The following GLIPR2 variants were observed in gnomAD, a reference collection of about 807,000 sequenced individuals.
GLIPR2 encodes Golgi-associated plant pathogenesis-related protein 1.
Under a neutral mutation model 20.4 loss-of-function variants are expected in GLIPR2, and 21 were observed. The ratio of observed to expected loss-of-function variants is 1.03; its 90% CI spans 0.73 to 1.48. The LOEUF is 1.48. Ranked by LOEUF, GLIPR2 falls within the 40% of genes most tolerant of loss-of-function variation. The pLI is 0.00. For synonymous variants in GLIPR2, 91 were observed against 80.5 expected (o/e 1.13, Z -0.70); for missense variants, 205 against 200.1 (o/e 1.02, Z -0.15).
At chr9:36,139,735 T>C (rs1042433431) in intron 1 of GLIPR2, among the ~76,000 whole-genome samples, 2 of 152,214 alleles carry the variant, frequency 1.3e-5, no homozygotes, top group African/African-American at 4.8e-5. Context: ...ACAGGCGTTA[T>C]TGTAAAATCA....
rs150517321 is a variant in GLIPR2, at chr9:36,163,026, C to T, written c.*504C>T. On this transcript the variant is annotated 3_prime_UTR_variant, in exon 5 of 5. Transcript: ENST00000377960. ...AATACAAAGCAGCTTCCATCAGGAA[C>T]ATGGAGCAGGCAGGGACTCCATTTT... is the stretch of plus-strand genomic sequence containing the variant. 4.0e-4 allele frequency: 162 copies of T among 401,284 alleles called. 1 individual carries two copies. In the East Asian group the frequency reaches 0.012, roughly 28 times the overall value. The allele number at this position is 401,284 out of a possible 1,614,324, so 24.9% of individuals were successfully genotyped here. A position where few individuals can be genotyped will look rare whatever the true frequency, so the allele number is the denominator to read the frequency against.
intron 4 of GLIPR2, among the ~76,000 whole-genome samples, chr9:36,161,549 C>T (rs1826053053): frequency 6.7e-6 from 1 of 150,012 alleles, no homozygotes; most frequent in African/African-American, 2.4e-5. Context: ...AGTGTGGGTC[C>T]TTCAATATCT....
intron 1 of GLIPR2, chr9:36,141,752 C>T (rs1825094590): frequency 4.5e-6 from 2 of 445,836 alleles, no homozygotes; most frequent in South Asian, 3.2e-5. Context: ...CTCCTGGGCT[C>T]AAGCGATCCT....
intron 4 of GLIPR2, among the ~76,000 whole-genome samples, chr9:36,153,953 C>T (rs1825711239): frequency 6.6e-6 from 1 of 151,414 alleles, no homozygotes; most frequent in Non-Finnish European, 1.5e-5. Flanking sequence ...TGTAATCCAT[C>T]CCCACCCCCA....
chr9:36,136,620 C>A (rs1011165012), upstream of GLIPR2: 4 of 447,376 alleles, frequency 8.9e-6, no homozygotes, highest in Non-Finnish European at 1.4e-5. The surrounding 1 kb of genome is among the most constrained non-coding windows in gnomAD (Gnocchi z 4.3). Flanking sequence ...TGGCCCCGGG[C>A]GCCTCCGCCC....
In GLIPR2 at chr9:36,156,640, G is replaced by A. The variant is rs139148505; in HGVS notation, c.304+5691G>A. On this transcript the variant is annotated intron_variant, in intron 4 of 4. Coordinates refer to ENST00000377960, the MANE Select transcript of GLIPR2 (RefSeq NM_022343.4). ...CCCATGGCCTGTTAAGAACTGGGCCGCACAGCAGGAGGTGAGCCTGGGTGA... is the reference window on the plus strand; with the variant it reads ...CCCATGGCCTGTTAAGAACTGGGCCACACAGCAGGAGGTGAGCCTGGGTGA... Among the ~76,000 whole-genome samples, 61 of 152,276 alleles carry A rather than the reference G, an allele frequency of 4.0e-4. No homozygotes were observed. The East Asian group carries it at 0.011, about 27-fold the overall frequency.
chr9:36,162,608 C>T lies in GLIPR2; in HGVS notation c.*86C>T. 1.5e-6 allele frequency: 2 copies of T among 1,339,780 alleles called. No homozygotes were observed. Among genetic ancestry groups the T allele is most frequent in the Non-Finnish European group, 2.1e-6 (2 of 957,854 alleles). 83.0% of individuals were successfully genotyped at this position (1,339,780 alleles called of 1,614,324 possible). ...CACCACAACCTGGCTGTGCGTCTGT[C>T]CCTGTGGGTGTATGTGCTTGTGTGT... is the stretch of plus-strand genomic sequence containing the variant. On this transcript the variant is annotated 3_prime_UTR_variant, in exon 5 of 5. Transcript: ENST00000377960.
At chr9:36,161,658 A>C (rs1826057903) in intron 4 of GLIPR2, among the ~76,000 whole-genome samples, 1 of 152,088 alleles carries the variant, frequency 6.6e-6, no homozygotes, top group Admixed American at 6.6e-5. Flanking sequence ...GGGTGCCTTG[A>C]AAAGGAGAAG....
chr9:36,157,683 A>AACACACAC (rs567476723), intron 4 of GLIPR2, among the ~76,000 whole-genome samples: 54 of 146,338 alleles, frequency 3.7e-4, no homozygotes, highest in African/African-American at 1.2e-3. Flanking sequence ...ATATCTGTTA[A>AACACACAC]ACACACACAC....
intron 1 of GLIPR2, among the ~76,000 whole-genome samples, chr9:36,140,643 C>T (rs186931752): frequency 9.9e-5 from 15 of 152,166 alleles, no homozygotes; most frequent in African/African-American, 2.9e-4. Context: ...GCCTTGTTCC[C>T]GTAAGCAATT....
chr9:36,136,613 C>G (rs1824825158), upstream of GLIPR2: 2 of 422,096 alleles, frequency 4.7e-6, no homozygotes, highest in African/African-American at 4.2e-5. This position sits in a 1 kb window ranked among gnomAD's most constrained non-coding sequence, Gnocchi z 4.3. Context: ...CACGGGGTGG[C>G]CCCGGGCGCC....
chr9:36,149,969 C>T (rs569495820), intron 3 of GLIPR2, among the ~76,000 whole-genome samples: 7 of 152,208 alleles, frequency 4.6e-5, no homozygotes, highest in East Asian at 3.9e-4. Context: ...TGGAGGTTGC[C>T]GTGAGCTGAG....
chr9:36,142,379 G>C (rs980189398), intron 1 of GLIPR2, among the ~76,000 whole-genome samples: 2 of 152,104 alleles, frequency 1.3e-5, no homozygotes, highest in African/African-American at 4.8e-5. Flanking sequence ...GTGGGAATTT[G>C]GGCAGGTAAC....
At chr9:36,141,652 CT>C (rs914267787) in intron 1 of GLIPR2, among the ~76,000 whole-genome samples, 2 of 151,922 alleles carry the variant, frequency 1.3e-5, no homozygotes, top group Admixed American at 6.6e-5. Context: ...TCCTCAGAAT[CT>C]TTTTTTTCTT....
At chr9:36,156,217 T>G (rs1343974698) in intron 4 of GLIPR2, among the ~76,000 whole-genome samples, 2 of 149,230 alleles carry the variant, frequency 1.3e-5, no homozygotes, top group Non-Finnish European at 3.0e-5. Flanking sequence ...CTCAAAAAAT[T>G]AAAAAATTAA....
In GLIPR2 at chr9:36,150,941, C is replaced by A; in HGVS notation, c.296C>A (p.Ser99Ter). 6.2e-7 allele frequency: 1 copy of A among 1,612,478 alleles called. No homozygotes were observed. The highest frequency in any genetic ancestry group is 1.1e-5 in the South Asian group (1 of 91,020). ...NYNFQQPGFTSGTGHFTAMVW... is the reference protein window; with the variant it reads ...NYNFQQPGFT ...AACTTCCAGCAGCCTGGCTTCACCT[C>A]GGGGACTGGTGAGTGGCAGGGTCTC... Residue 99 changes from serine (S) to a stop codon, truncating the protein, a stop_gained, in exon 4 of 5, where the codon TCG becomes TAG. Transcript: ENST00000377960. LOFTEE classifies it high-confidence loss of function.
At chr9:36,152,516 G>A (rs1229315979) in intron 4 of GLIPR2, among the ~76,000 whole-genome samples, 7 of 151,988 alleles carry the variant, frequency 4.6e-5, no homozygotes, top group South Asian at 2.1e-4. Context: ...TTGGGAGGCC[G>A]AGGTGGGTGG....
chr9:36,137,542 T>C (rs1824880457), intron 1 of GLIPR2, among the ~76,000 whole-genome samples: 1 of 152,120 alleles, frequency 6.6e-6, no homozygotes. Flanking sequence ...ATCCCATCCC[T>C]CTAGGCTCAG....
At chr9:36,154,113 T>G (rs1825727410) in intron 4 of GLIPR2, among the ~76,000 whole-genome samples, 1 of 148,288 alleles carries the variant, frequency 6.7e-6, no homozygotes, top group African/African-American at 2.5e-5. Context: ...CCCCCCCCTT[T>G]GAGACCGAGT....
Sources: allele counts gnomAD v4.1 joint callset (sites outside exome capture counted in the v4.1 genomes callset), GRCh38; gene constraint gnomAD v4.1.1; non-coding constraint Gnocchi (gnomAD v3.1); transcripts MANE v1.5; gene names NCBI Gene and HGNC (gene_info 2026-07-23, HGNC 2026-07-21).